Variants in CDKL4 observed in about 807,000 individuals in gnomAD.
CDKL4 encodes cyclin-dependent kinase-like 4.
In CDKL4, 44 loss-of-function variants were observed where a neutral mutation model predicts 42.0. The ratio of observed to expected loss-of-function variants is 1.05; its 90% CI spans 0.82 to 1.35. The LOEUF is 1.35. Among genes scored for constraint, CDKL4 ranks in the 40% most tolerant of loss-of-function variants. The pLI, the probability that CDKL4 is intolerant of heterozygous loss-of-function variation, is 0.00. For synonymous variants in CDKL4, 120 were observed against 121.6 expected, an observed-to-expected ratio of 0.99 and a Z score of 0.09; for missense variants, 393 against 369.9, an observed-to-expected ratio of 1.06 and a Z score of -0.51.
At chr2:39,174,513 T>C (rs904450327), downstream of CDKL4, among the ~76,000 whole-genome samples, 13 of 152,198 alleles carry the variant, frequency 8.5e-5, no homozygotes, top group Non-Finnish European at 1.5e-4. Flanking sequence ...TTTATGTGTT[T>C]CTAAGTGCGG....
At chr2:39,197,634 G>T (rs1676598435) in intron 5 of CDKL4, among the ~76,000 whole-genome samples, 1 of 152,202 alleles carries the variant, frequency 6.6e-6, no homozygotes, top group Admixed American at 6.5e-5. Context: ...ATTAACAGCA[G>T]ATTTCTCAGT....
intron 6 of CDKL4, among the ~76,000 whole-genome samples, chr2:39,188,758 T>A (rs1368862026): frequency 6.6e-6 from 1 of 152,080 alleles, no homozygotes; most frequent in Non-Finnish European, 1.5e-5. Context: ...GGCATGATCA[T>A]GGCTCACTTC....
intron 1 of CDKL4, among the ~76,000 whole-genome samples, chr2:39,231,527 G>A (rs1028308841): frequency 6.6e-6 from 1 of 151,998 alleles, no homozygotes; most frequent in African/African-American, 2.4e-5. Flanking sequence ...TTTTTGAGGG[G>A]GAATGAATTC....
intron 9 of CDKL4, among the ~76,000 whole-genome samples, chr2:39,176,741 T>G (rs190061813): frequency 1.1e-3 from 168 of 152,338 alleles, no homozygotes; most frequent in Non-Finnish European, 1.7e-3. Flanking sequence ...CCTCAAATTT[T>G]GAATAGCTAG....
upstream of CDKL4, among the ~76,000 whole-genome samples, chr2:39,246,389 T>C (rs1453322314): frequency 6.6e-6 from 1 of 152,234 alleles, no homozygotes; most frequent in Non-Finnish European, 1.5e-5. Context: ...TCTCATTAAG[T>C]ATACAAGTAT....
intron 4 of CDKL4, among the ~76,000 whole-genome samples, chr2:39,213,068 A>T (rs549142563): frequency 2.9e-4 from 44 of 152,284 alleles, no homozygotes; most frequent in African/African-American, 1.0e-3. Flanking sequence ...AGGAATTAGC[A>T]ATTTGATTCT....
chr2:39,244,902 C>T (rs1158102455), upstream of CDKL4, among the ~76,000 whole-genome samples: 3 of 152,140 alleles, frequency 2.0e-5, no homozygotes, highest in Non-Finnish European at 4.4e-5. Context: ...TATCTAGCTG[C>T]TCTGGTGGGG....
intron 5 of CDKL4, among the ~76,000 whole-genome samples, chr2:39,195,883 T>C (rs904533756): frequency 1.3e-5 from 2 of 152,196 alleles, no homozygotes; most frequent in African/African-American, 4.8e-5. Context: ...CAGGACTAAC[T>C]TGCAGCTATG....
intron 4 of CDKL4, among the ~76,000 whole-genome samples, chr2:39,206,093 G>A (rs1438355117): frequency 6.6e-6 from 1 of 150,846 alleles, no homozygotes; most frequent in East Asian, 2.0e-4. Context: ...TCACTGTGTC[G>A]CCCAGGCTGG....
At chr2:39,232,877 C>G (rs1001684364) in intron 1 of CDKL4, among the ~76,000 whole-genome samples, 2 of 151,540 alleles carry the variant, frequency 1.3e-5, no homozygotes, top group African/African-American at 4.8e-5. Context: ...AATCCCATCT[C>G]TACTAAAAAT....
intron 1 of CDKL4, among the ~76,000 whole-genome samples, 48 bp downstream of exon 1, chr2:39,243,823 C>T (rs1679785824): frequency 6.6e-6 from 1 of 152,256 alleles, no homozygotes; most frequent in African/African-American, 2.4e-5. Flanking sequence ...CCCATCAACC[C>T]CGCACGCTGC....
Position 39,239,140 on chromosome 2 carries a change from T to C in CDKL4, c.-57+4731A>G, listed in dbSNP as rs544106599. ...TGATACTAGGACCATTGGATATCCA[T>C]ATGCAAAACAAACAACAAACACACA... On this transcript the variant is annotated intron_variant, in intron 1 of 9. Transcript: ENST00000451199. Among the ~76,000 whole-genome samples, 4 of 152,134 alleles carry C rather than the reference T, an allele frequency of 2.6e-5. No homozygotes were observed. In the East Asian group the frequency reaches 7.7e-4, roughly 29 times the overall value.
intron 8 of CDKL4, among the ~76,000 whole-genome samples, chr2:39,184,015 T>A (rs1448131106): frequency 6.6e-6 from 1 of 152,186 alleles, no homozygotes. Flanking sequence ...AAGATACACA[T>A]GCCAAGGTCC....
At chr2:39,185,750 C>A (rs191866264) in intron 7 of CDKL4, among the ~76,000 whole-genome samples, 1 of 152,008 alleles carries the variant, frequency 6.6e-6, no homozygotes, top group Non-Finnish European at 1.5e-5. Context: ...TGTGAGCCAC[C>A]GCGCCTGGCT....
chr2:39,223,857 C>T (rs546534497), intron 3 of CDKL4, among the ~76,000 whole-genome samples: 76 of 152,194 alleles, frequency 5.0e-4, no homozygotes, highest in African/African-American at 1.8e-3. Flanking sequence ...CTCAGCCTCC[C>T]AAAGGGCTGG....
At chr2:39,168,430 G>A in the CDKL4 span, among the ~76,000 whole-genome samples, 12 of 152,266 alleles carry the variant, frequency 7.9e-5, no homozygotes, top group Admixed American at 7.8e-4. Flanking sequence ...AAATTTTGGG[G>A]TAAATTAAAA....
chr2:39,171,284 G>A (rs1191676109), downstream of CDKL4, among the ~76,000 whole-genome samples: 2 of 151,850 alleles, frequency 1.3e-5, no homozygotes, highest in African/African-American at 2.4e-5. Flanking sequence ...TTGTGGTTGG[G>A]AAATCTGCAA....
rs371545454 is a variant in CDKL4, at chr2:39,201,994, G to A, written c.454+2533C>T. 4.1e-4 allele frequency among the ~76,000 whole-genome samples: 63 copies of A among 152,266 alleles called. 1 individual carries two copies. Among genetic ancestry groups the A allele is most frequent in the African/African-American group, 1.4e-3 (60 of 41,546 alleles). ...CACATGTAATCCCAGCACTTTGGGA[G>A]GCCGAGGCAGGCAGATGACTTGAGC... On this transcript the variant is annotated intron_variant, in intron 5 of 9. Transcript: ENST00000451199.
intron 3 of CDKL4, among the ~76,000 whole-genome samples, chr2:39,219,382 C>T (rs1168370131): frequency 1.3e-5 from 2 of 151,362 alleles, no homozygotes; most frequent in Non-Finnish European, 2.9e-5. Flanking sequence ...TGGCAGATGG[C>T]CACTCAGTAA....
Sources: gnomAD v4.1 joint callset for allele counts (sites outside exome capture counted in the v4.1 genomes callset) on GRCh38, gnomAD v4.1.1 for gene constraint, MANE v1.5 for transcripts, NCBI Gene and HGNC (gene_info 2026-07-23, HGNC 2026-07-21) for gene names.